PCDHA8: variants seen among roughly 807,000 people sequenced by gnomAD.
PCDHA8 encodes protocadherin alpha-8.
A neutral mutation model predicts 61.8 loss-of-function variants in PCDHA8; 53 were observed. That is an observed-to-expected ratio of 0.86 (90% CI 0.69 to 1.08). PCDHA8 has a LOEUF of 1.08. Among genes scored for constraint, PCDHA8 ranks in the 50% least tolerant of loss-of-function variants. The pLI, the probability that PCDHA8 is intolerant of heterozygous loss-of-function variation, is 0.00. For missense variants in PCDHA8, 1,293 were observed against 1,245.0 expected (o/e 1.04, Z -0.58); for synonymous variants, 618 against 556.6 (o/e 1.11, Z -1.55).
At chr5:141,006,363 C>A (rs2098270160) in intron 3 of PCDHA8, among the ~76,000 whole-genome samples, 1 of 152,080 alleles carries the variant, frequency 6.6e-6, no homozygotes, top group Non-Finnish European at 1.5e-5. Context: ...AGGCGCCCAC[C>A]ACCACGCCCG....
intron 1 of PCDHA8, chr5:140,870,671 A>C (rs782353440): frequency 1.2e-6 from 2 of 1,612,606 alleles, no homozygotes; most frequent in East Asian, 2.2e-5. Flanking sequence ...CAGCCGTTGG[A>C]CCACGAGGAG....
At chr5:140,922,369 G>A (rs534587109) in intron 1 of PCDHA8, among the ~76,000 whole-genome samples, 1 of 152,320 alleles carries the variant, frequency 6.6e-6, no homozygotes, top group East Asian at 1.9e-4. Context: ...TTCTCACTGA[G>A]ATGCAAAACC....
chr5:140,852,042 T>C, intron 1 of PCDHA8: 1 of 921,096 alleles, frequency 1.1e-6, no homozygotes, highest in African/African-American at 1.8e-5. Context: ...GAGTTTTTGT[T>C]ATGTGGTTTA....
rs577838197 is a variant in PCDHA8, at chr5:140,982,551, A to G, written c.2530A>G (p.Ser844Gly). 28 of 1,614,198 alleles carry G rather than the reference A, an allele frequency of 1.7e-5. No individual in the cohort carries two copies. Among genetic ancestry groups the G allele is most frequent in the South Asian group, 1.2e-4 (11 of 91,088 alleles). The change falls in exon 3 of 4, where the codon AGT (serine) becomes GGT (glycine). Residue 844 changes from serine (S) to glycine (G), a missense_variant. Coordinates refer to ENST00000531613, the MANE Select transcript of PCDHA8 (RefSeq NM_018911.3). ...GPDQQWPTVS[S>G]ATPEPEAGEV... is the part of the protein sequence containing the mutation. ...TGATCAGCAGTGGCCAACAGTATCC[A>G]GTGCAACACCAGGTAAAGAGCTGGG... is the stretch of plus-strand genomic sequence containing the variant.
intron 1 of PCDHA8, chr5:140,871,192 G>A (rs1582019516): frequency 6.2e-7 from 1 of 1,613,668 alleles, no homozygotes; most frequent in South Asian, 1.1e-5. Context: ...GGATGTCAAC[G>A]TGTACCTGAT....
At chr5:140,959,412 A>G (rs2153722176) in intron 1 of PCDHA8, among the ~76,000 whole-genome samples, 1 of 152,256 alleles carries the variant, frequency 6.6e-6, no homozygotes, top group African/African-American at 2.4e-5. Context: ...GTGTTGATTG[A>G]TCTGAGAATT....
intron 1 of PCDHA8, among the ~76,000 whole-genome samples, chr5:140,937,150 G>A (rs2153631833): frequency 6.7e-6 from 1 of 149,812 alleles, no homozygotes; most frequent in East Asian, 2.0e-4. Context: ...CCATTCTCCT[G>A]CCTCAGCCTC....
At chr5:140,956,554 G>C (rs546505112) in intron 1 of PCDHA8, among the ~76,000 whole-genome samples, 1 of 152,318 alleles carries the variant, frequency 6.6e-6, no homozygotes, top group East Asian at 1.9e-4. Flanking sequence ...TGGTTTGCCA[G>C]TATCTTATTG....
At chr5:140,917,941 T>C (rs1415827294) in intron 1 of PCDHA8, among the ~76,000 whole-genome samples, 1 of 152,146 alleles carries the variant, frequency 6.6e-6, no homozygotes, top group Non-Finnish European at 1.5e-5. Flanking sequence ...ATAATATTGG[T>C]AGTTTGATAG....
At chr5:140,914,445 T>C (rs782813943) in intron 1 of PCDHA8, among the ~76,000 whole-genome samples, 1 of 152,200 alleles carries the variant, frequency 6.6e-6, no homozygotes, top group South Asian at 2.1e-4. Flanking sequence ...CCCATGTCTT[T>C]ATTTTCCAGT....
chr5:140,871,302 G>T lies in PCDHA8; in HGVS notation c.2394+27587G>T, dbSNP rs2052939724. ...CGCCCACTGAGGGCGCGTGCGCGCCGGGGAAGCCCACGCTGGTGTGCTCCC... is the reference window on the plus strand; with the variant it reads ...CGCCCACTGAGGGCGCGTGCGCGCCTGGGAAGCCCACGCTGGTGTGCTCCC... On this transcript the variant is annotated intron_variant, in intron 1 of 3. Coordinates refer to ENST00000531613, the MANE Select transcript of PCDHA8 (RefSeq NM_018911.3). 1.9e-6 allele frequency: 3 copies of T among 1,613,974 alleles called. 1 individual carries two copies. Among genetic ancestry groups the T allele is most frequent in the South Asian group, 2.2e-5 (2 of 91,078 alleles).
At position 140,876,825 on chromosome 5, in the gene PCDHA8, T is replaced by C. The variant is rs200732511; in HGVS notation, c.2394+33110T>C. ...TGGAGGTGGCCGACGTGAACGACAA[T>C]GCGCCTGCGTTCGCGCAGCCCGAGT... On this transcript the variant is annotated intron_variant, in intron 1 of 3. Transcript: ENST00000531613. The C allele has an allele frequency of 2.4e-4, 380 of 1,614,056 alleles. 4 individuals carry two copies. The East Asian group carries it at 3.4e-3, about 15-fold the overall frequency.
intron 1 of PCDHA8, among the ~76,000 whole-genome samples, chr5:140,977,726 C>T (rs368776202): frequency 2.0e-5 from 3 of 152,290 alleles, no homozygotes; most frequent in African/African-American, 7.2e-5. Flanking sequence ...GATCATTTCT[C>T]TCCTGGGTGT....
At chr5:140,843,763 G>T in intron 1 of PCDHA8, 48 bp downstream of exon 1, 1 of 1,492,614 alleles carries the variant, frequency 6.7e-7, no homozygotes, top group Non-Finnish European at 9.2e-7. Flanking sequence ...TGTGGAAATT[G>T]TAGTTACTTT....
At chr5:140,999,319 T>G (rs2097853876) in intron 3 of PCDHA8, among the ~76,000 whole-genome samples, 1 of 152,236 alleles carries the variant, frequency 6.6e-6, no homozygotes, top group African/African-American at 2.4e-5. Flanking sequence ...TGACAGACAT[T>G]GATCTGTGTG....
At chr5:141,000,547 A>T (rs2097946124) in intron 3 of PCDHA8, among the ~76,000 whole-genome samples, 1 of 147,246 alleles carries the variant, frequency 6.8e-6, no homozygotes, top group Non-Finnish European at 1.5e-5. Context: ...CATGCCTCAA[A>T]CTCCCGAGTA....
intron 1 of PCDHA8, chr5:140,927,472 G>A (rs201932518): frequency 1.6e-4 from 264 of 1,614,094 alleles, no homozygotes; most frequent in Non-Finnish European, 2.0e-4. Context: ...ACTGGATCGC[G>A]AACAGCGCGC....
At chr5:140,877,851 A>G in intron 1 of PCDHA8, 1 of 1,546,284 alleles carries the variant, frequency 6.5e-7, no homozygotes, top group South Asian at 1.3e-5. Context: ...TAAGTTATTA[A>G]TATTATTTAG....
chr5:140,898,389 G>A (rs1402524208), intron 1 of PCDHA8, among the ~76,000 whole-genome samples: 3 of 152,190 alleles, frequency 2.0e-5, no homozygotes, highest in Non-Finnish European at 4.4e-5. Flanking sequence ...AAGGGATCCA[G>A]TTTCAGCTTT....
Sources: gnomAD v4.1 joint callset for allele counts (sites outside exome capture counted in the v4.1 genomes callset) on GRCh38, gnomAD v4.1.1 for gene constraint, MANE v1.5 for transcripts, NCBI Gene and HGNC (gene_info 2026-07-23, HGNC 2026-07-21) for gene names.